SETX: variants seen among roughly 807,000 people sequenced by gnomAD.
SETX encodes the protein senataxin.
Under a neutral mutation model 227.2 loss-of-function variants are expected in SETX, and 90 were observed. That is an observed-to-expected ratio of 0.40 (90% CI 0.33 to 0.47). The LOEUF is 0.47. Ranked by LOEUF, SETX falls within the 20% of genes least tolerant of loss-of-function variation. SETX has a pLI of 0.91. For synonymous variants in SETX, 1,210 were observed against 1,113.2 expected, an observed-to-expected ratio of 1.09 and a Z score of -1.73; for missense variants, 3,052 against 3,181.5, an observed-to-expected ratio of 0.96 and a Z score of 0.98.
At chr9:132,342,870 T>G in intron 4 of SETX, 71 bp from the exon 5 acceptor site, 2 of 1,098,246 alleles carry the variant, frequency 1.8e-6, no homozygotes, top group South Asian at 2.5e-5. Context: ...TTAGGCTCCT[T>G]GGGCTATTCT....
Position 132,283,357 on chromosome 9 carries a change from G to A in SETX, c.6453C>T (p.Ile2151=), listed in dbSNP as rs150599672. ...QSIIILESHI[I]CCTLSTSGGL... ...CACCACTTGTGCTCAACGTGCAGCA[G>A]ATGATATGGGACTCTAAGATGATGA... The change falls in exon 19 of 26, where the codon ATC becomes ATT. Residue 2151 remains isoleucine (I), a synonymous_variant. Coordinates refer to ENST00000224140, the MANE Select transcript of SETX (RefSeq NM_015046.7). 3.1e-5 allele frequency: 50 copies of A among 1,614,080 alleles called. No homozygotes were observed. Among genetic ancestry groups the A allele is most frequent in the Middle Eastern group, 3.3e-4 (2 of 6,084 alleles).
intron 10 of SETX, among the ~76,000 whole-genome samples, chr9:132,323,684 T>C (rs1297179490): frequency 6.6e-6 from 1 of 152,142 alleles, no homozygotes; most frequent in African/African-American, 2.4e-5. Flanking sequence ...GGTGGATCAC[T>C]TGAGCCCAGT....
intron 10 of SETX, among the ~76,000 whole-genome samples, chr9:132,325,274 T>C (rs1846654114): frequency 6.6e-6 from 1 of 152,048 alleles, no homozygotes; most frequent in Non-Finnish European, 1.5e-5. Flanking sequence ...GAGAACAGCC[T>C]GAACCCGGGA....
At chr9:132,331,183 A>C in intron 8 of SETX, 44 bp from the exon 9 acceptor site, 4 of 1,594,400 alleles carry the variant, frequency 2.5e-6, no homozygotes, top group Non-Finnish European at 3.4e-6. Context: ...ACGAAGGGGG[A>C]AAAAAAGGAA....
chr9:132,328,081 G>C lies in SETX; in HGVS notation c.3517C>G (p.Pro1173Ala), dbSNP rs141996565. Reference sequence around the variant, plus strand: ...CTGACAGAAGATGAAGGCCTCACAGGATCTTCAGCCATTGGTTTTTCAGAT... The same window carrying C: ...CTGACAGAAGATGAAGGCCTCACAGCATCTTCAGCCATTGGTTTTTCAGAT... ...KRSEKPMAED[P>A]VRPSSSVRNE... The change falls in exon 10 of 26, where the codon CCT (proline) becomes GCT (alanine). Residue 1173 changes from proline to alanine, a missense_variant. Pro to Ala is a conservative substitution (Grantham distance 27). Around this residue, in one of 10 missense-constraint regions of SETX, gnomAD observed 1,483 missense variants for 1,312.0 expected, o/e 1.13. Transcript: ENST00000224140. The C allele has an allele frequency of 1.2e-6, 2 of 1,614,044 alleles. No homozygotes were observed. The highest frequency in any genetic ancestry group is 2.7e-5 in the African/African-American group (2 of 75,002).
chr9:132,350,584 T>C (rs1188928458), intron 2 of SETX, among the ~76,000 whole-genome samples: 2 of 152,212 alleles, frequency 1.3e-5, no homozygotes, highest in Non-Finnish European at 2.9e-5. Flanking sequence ...TTTCTTCTTA[T>C]ACCCACAATT....
In SETX at chr9:132,349,255, A is replaced by G. The variant is rs1470975448; in HGVS notation, c.174T>C (p.His58=). 2.5e-6 allele frequency: 4 copies of G among 1,613,926 alleles called. No individual in the cohort carries two copies. The highest frequency in any genetic ancestry group is 3.4e-6 in the Non-Finnish European group (4 of 1,180,004). The part of the protein sequence containing the change: ...HKARDELPFL[H]EVLWELETLR... ...TTGCCCATCTAATATATTTTACCTC[A>G]TGCAAGAATGGCAATTCATCTCTTG... is the stretch of plus-strand genomic sequence containing the variant. The change falls in exon 3 of 26, where the codon CAT becomes CAC. Residue 58 remains histidine (H), a synonymous_variant. Transcript: ENST00000224140.
At chr9:132,296,374 G>A (rs1339925476) in intron 14 of SETX, among the ~76,000 whole-genome samples, 5 of 152,098 alleles carry the variant, frequency 3.3e-5, no homozygotes, top group East Asian at 1.9e-4. Flanking sequence ...CCAACATGGC[G>A]AAACCCCATC....
chr9:132,326,851 C>G lies in SETX; in HGVS notation c.4747G>C (p.Gly1583Arg), dbSNP rs1411376204. 1 of 1,614,170 alleles carries G rather than the reference C, an allele frequency of 6.2e-7. No individual in the cohort carries two copies. Among genetic ancestry groups the G allele is most frequent in the Admixed American group, 1.7e-5 (1 of 60,018 alleles). Residue 1583 changes from glycine (G) to arginine (R), a missense_variant, in exon 10 of 26, where the codon GGC becomes CGC. Gly to Arg is a moderately radical substitution (Grantham distance 125). This residue lies in a region of SETX where 1,483 missense variants were observed against 1,312.0 expected (regional missense o/e 1.13). Transcript: ENST00000224140. ...AADEDVFRKP[G>R]LPPPASKPLR... ...GGTTTAGATGCAGGAGGAGGCAAGC[C>G]AGGTTTACGAAATACATCTTCATCT...
chr9:132,292,199 T>C (rs1844361767), intron 15 of SETX, among the ~76,000 whole-genome samples: 1 of 151,908 alleles, frequency 6.6e-6, no homozygotes, highest in Non-Finnish European at 1.5e-5. Context: ...TCCCAGCACC[T>C]TGGGAGGCTG....
At chr9:132,303,992 C>T (rs1292565598) in intron 11 of SETX, among the ~76,000 whole-genome samples, 6 of 152,134 alleles carry the variant, frequency 3.9e-5, no homozygotes, top group African/African-American at 7.2e-5. Flanking sequence ...CATGGTGGGG[C>T]GCCTGTAAAC....
intron 25 of SETX, among the ~76,000 whole-genome samples, chr9:132,265,843 T>C (rs1391901719): frequency 1.3e-5 from 2 of 152,176 alleles, no homozygotes; most frequent in African/African-American, 4.8e-5. Flanking sequence ...TCTGAGTGCA[T>C]GTGACTATTC....
In SETX at chr9:132,298,256, C is replaced by A. The variant is rs762039767; in HGVS notation, c.5605G>T (p.Ala1869Ser). The A allele has an allele frequency of 1.2e-6, 2 of 1,614,014 alleles. No homozygotes were observed. The highest frequency in any genetic ancestry group is 1.7e-6 in the Non-Finnish European group (2 of 1,179,990). ...CAATTCACAAGTTCGTTTAAATTGG[C>A]CGGAAAGTTCTCTTGAGTCTGGATG... ...LSIQTQENFP[A>S]NLNELVNCIV... The change falls in exon 13 of 26, where the codon GCC (alanine) becomes TCC (serine). Residue 1869 changes from alanine to serine, a missense_variant. By Grantham distance (99) the Ala-to-Ser change is moderately conservative (BLOSUM62 1). Around this residue, in one of 10 missense-constraint regions of SETX, gnomAD observed 239 missense variants for 272.1 expected, o/e 0.88. Transcript: ENST00000224140.
intron 14 of SETX, 40 bp downstream of exon 14, chr9:132,296,819 TCAGTTAACTCAAGTAAAGTAAAATGATA>T: frequency 7.4e-7 from 1 of 1,359,804 alleles, no homozygotes; most frequent in African/African-American, 1.4e-5. Context: ...TATTTACATG[TCAGTTAACTCAAGTAAAGTAAAATGATA>T]CAGCTAGTTA....
chr9:132,275,303 C>T lies in SETX; in HGVS notation c.7053G>A (p.Gln2351=). 1 of 1,614,146 alleles carries T rather than the reference C, an allele frequency of 6.2e-7. No individual in the cohort carries two copies. The highest frequency in any genetic ancestry group is 8.5e-7 in the Non-Finnish European group (1 of 1,180,022). The change falls in exon 23 of 26, where the codon CAG becomes CAA. Residue 2351 remains glutamine, a synonymous_variant. Coordinates refer to ENST00000224140, the MANE Select transcript of SETX (RefSeq NM_015046.7). ...NIGIITHYKA[Q]KTMIQKDLDK... ...CCAAATCCTTCTGAATCATCGTCTTCTGGGCCTTGTAATGAGTTATTATGC... is the reference window on the plus strand; with the variant it reads ...CCAAATCCTTCTGAATCATCGTCTTTTGGGCCTTGTAATGAGTTATTATGC...
chr9:132,290,169 C>G (rs1410108630), intron 15 of SETX, among the ~76,000 whole-genome samples: 1 of 152,096 alleles, frequency 6.6e-6, no homozygotes, highest in African/African-American at 2.4e-5. Flanking sequence ...AAGATTGCAC[C>G]ACTGCACTCC....
In SETX at chr9:132,264,289, T is replaced by C. The variant is rs1369087196; in HGVS notation, c.7984A>G (p.Arg2662Gly). The C allele has an allele frequency of 6.2e-7, 1 of 1,614,076 alleles. No individual in the cohort carries two copies. Among genetic ancestry groups the C allele is most frequent in the Non-Finnish European group, 8.5e-7 (1 of 1,180,042 alleles). Reference protein sequence around the residue: ...HTRRNSRWDKRTLEQEDSSSK... With the variant: ...HTRRNSRWDKGTLEQEDSSSK... ...CTGCTGTCCTCCTGCTCCAGTGTCC[T>C]CTTGTCCCACCTAGAGTTCCTCCTG... The change falls in exon 26 of 26, where the codon AGG (arginine) becomes GGG (glycine). Residue 2662 changes from arginine to glycine, a missense_variant. Arg to Gly is a moderately radical substitution (Grantham distance 125, BLOSUM62 -2). This residue lies in a region of SETX where 294 missense variants were observed against 278.8 expected (regional missense o/e 1.05). Transcript: ENST00000224140.
intron 15 of SETX, among the ~76,000 whole-genome samples, chr9:132,288,886 T>TTA (rs759650305): frequency 6.6e-5 from 10 of 152,200 alleles, no homozygotes; most frequent in Non-Finnish European, 1.3e-4. Context: ...CTAATAAAGG[T>TTA]TAGCAAGGCC....
intron 10 of SETX, among the ~76,000 whole-genome samples, 174 bp from the exon 11 acceptor site, chr9:132,312,030 T>C (rs1845698109): frequency 6.6e-6 from 1 of 152,184 alleles, no homozygotes; most frequent in Non-Finnish European, 1.5e-5. Flanking sequence ...TCCTGCCCAA[T>C]TCAGTAGCCA....
Sources: allele counts gnomAD v4.1 joint callset (sites outside exome capture counted in the v4.1 genomes callset), GRCh38; gene constraint gnomAD v4.1.1; regional missense constraint gnomAD v4.1.1; transcripts MANE v1.5; gene names NCBI Gene and HGNC (gene_info 2026-07-23, HGNC 2026-07-21).